The following DHX9 variants were observed in gnomAD, a reference collection of about 807,000 sequenced individuals.
DHX9 encodes the protein DExH-box helicase 9, also known as ATP-dependent RNA helicase A.
A neutral mutation model predicts 148.7 loss-of-function variants in DHX9; 27 were observed. The observed-to-expected ratio is 0.18, with a 90% confidence interval of 0.13 to 0.25. The LOEUF (loss-of-function observed/expected upper bound fraction) is 0.25. DHX9 is among the 10% of genes least tolerant of loss of function. The pLI, the probability that DHX9 is intolerant of heterozygous loss-of-function variation, is 1.00. For missense variants in DHX9, 796 were observed against 1,559.6 expected (o/e 0.51, Z 8.25); for synonymous variants, 529 against 516.6 (o/e 1.02, Z -0.33).
At chr1:182,879,564 T>A (rs1429299938) in intron 21 of DHX9, among the ~76,000 whole-genome samples, 154 bp downstream of exon 21, 2 of 152,128 alleles carry the variant, frequency 1.3e-5, no homozygotes, top group Admixed American at 1.3e-4. Context: ...CCTTAGATAG[T>A]TAGTATAGTC....
rs566509354 is a variant in DHX9, at chr1:182,879,408, G to C, written c.2510G>C (p.Arg837Thr). The C allele has an allele frequency of 5.4e-6, 8 of 1,472,214 alleles. No individual in the cohort carries two copies. Among genetic ancestry groups the C allele is most frequent in the Non-Finnish European group, 7.3e-6 (8 of 1,092,652 alleles). The allele number at this position is 1,472,214 out of a possible 1,614,324, so 91.2% of individuals were successfully genotyped here. ...GTGATTGAAGCAGAACACACTCTTA[G>C]AGGTACTTACAAATACAAACCTACT... ...DAVIEAEHTL[R>T]ELDALDANDE... Residue 837 changes from arginine (R) to threonine (T), a missense_variant and splice_region_variant, in exon 21 of 28, where the codon AGA (arginine) becomes ACA (threonine). Physicochemically the swap from Arg to Thr is moderately conservative, Grantham distance 71 (BLOSUM62 -1). Around this residue, in one of 14 missense-constraint regions of DHX9, gnomAD observed 122 missense variants for 289.3 expected, o/e 0.42. Transcript: ENST00000367549.
intron 27 of DHX9, among the ~76,000 whole-genome samples, chr1:182,885,035 T>C (rs1649261803): frequency 6.6e-6 from 1 of 152,206 alleles, no homozygotes; most frequent in South Asian, 2.1e-4. Flanking sequence ...CATCAGTGCA[T>C]GTTGGTAGTG....
At chr1:182,886,755 T>C (rs1649349391) in intron 27 of DHX9, among the ~76,000 whole-genome samples, 2 of 152,192 alleles carry the variant, frequency 1.3e-5, no homozygotes, top group African/African-American at 2.4e-5. Context: ...CCAAATAGTT[T>C]ATTGGCAGCT....
Position 182,853,432 on chromosome 1 carries a change from C to A in DHX9, c.477+14C>A. The A allele has an allele frequency of 6.4e-7, 1 of 1,574,124 alleles. No homozygotes were observed. The highest frequency in any genetic ancestry group is 8.7e-7 in the Non-Finnish European group (1 of 1,147,960). On this transcript the variant is annotated intron_variant, in intron 5 of 27. Coordinates refer to ENST00000367549, the MANE Select transcript of DHX9 (RefSeq NM_001357.5). ...GAAGTGCAAGCGGTAAGGCCAGCAC[C>A]GTAGGTTACATCTCTGAGAATGTGA...
intron 1 of DHX9, chr1:182,839,862 C>A (rs963988779): frequency 2.0e-5 from 3 of 152,412 alleles, no homozygotes; most frequent in Admixed American, 2.0e-4. Flanking sequence ...CTGGCGCCGT[C>A]GTGCAGGCCT....
chr1:182,884,376 G>C (rs1649226451), intron 26 of DHX9, among the ~76,000 whole-genome samples: 1 of 151,818 alleles, frequency 6.6e-6, no homozygotes, highest in Non-Finnish European at 1.5e-5. Context: ...TAGACTTTTT[G>C]GCTTAAGACT....
intron 16 of DHX9, among the ~76,000 whole-genome samples, chr1:182,875,790 G>C (rs1648736153): frequency 6.6e-6 from 1 of 152,110 alleles, no homozygotes; most frequent in Admixed American, 6.5e-5. Flanking sequence ...GGCTCCATGA[G>C]AGTTTTGAGT....
At chr1:182,878,355 T>C (rs1648917414) in intron 20 of DHX9, among the ~76,000 whole-genome samples, 182 bp downstream of exon 20, 1 of 152,228 alleles carries the variant, frequency 6.6e-6, no homozygotes. Context: ...AAGCCAGATT[T>C]AGAAATATAG....
intron 3 of DHX9, among the ~76,000 whole-genome samples, chr1:182,844,792 C>T (rs1667998121): frequency 6.6e-6 from 1 of 152,200 alleles, no homozygotes; most frequent in Non-Finnish European, 1.5e-5. Flanking sequence ...GCTGGGATTA[C>T]AGGTGGGAGC....
At chr1:182,861,840 T>TA (rs1397119831) in intron 12 of DHX9, among the ~76,000 whole-genome samples, 1 of 152,216 alleles carries the variant, frequency 6.6e-6, no homozygotes, top group Non-Finnish European at 1.5e-5. Context: ...TCATACCTCT[T>TA]ACCTGTAACA....
Position 182,875,109 on chromosome 1 carries a change from G to A in DHX9, c.1815+155G>A, listed in dbSNP as rs140458105. The A allele has an allele frequency of 4.3e-5, 30 of 695,188 alleles. No individual in the cohort carries two copies. In the African/African-American group the frequency reaches 4.6e-4, roughly 11 times the overall value. The allele number at this position is 695,188 out of a possible 1,614,324, so 43.1% of individuals were successfully genotyped here. On this transcript the variant is annotated intron_variant, in intron 16 of 27. Coordinates refer to ENST00000367549, the MANE Select transcript of DHX9 (RefSeq NM_001357.5). ...TTTGGATTAATTGATGTATTTTACT[G>A]CAAAAAAATTCCAGGTTCAGTGACA... is the stretch of plus-strand genomic sequence containing the variant.
intron 7 of DHX9, among the ~76,000 whole-genome samples, chr1:182,857,521 T>G (rs1187725735): frequency 6.6e-6 from 1 of 152,230 alleles, no homozygotes; most frequent in Non-Finnish European, 1.5e-5. Context: ...AGGTCACACA[T>G]TGTTATTCTC....
At position 182,839,412 on chromosome 1, in the gene DHX9, A is replaced by C. The variant is rs1454619588; in HGVS notation, c.-67A>C. ...CTCTGTTGTCTCGGTAGAAGGCCAGAGTCACACACGGTCCTAAGAGCTGGG... is the reference window on the plus strand; with the variant it reads ...CTCTGTTGTCTCGGTAGAAGGCCAGCGTCACACACGGTCCTAAGAGCTGGG... On this transcript the variant is annotated 5_prime_UTR_variant, in exon 1 of 28. Transcript: ENST00000367549. The C allele has an allele frequency of 6.6e-6, 1 of 152,372 alleles. No individual in the cohort carries two copies. The highest frequency in any genetic ancestry group is 1.5e-5 in the Non-Finnish European group (1 of 68,076). 9.4% of individuals were successfully genotyped at this position (152,372 alleles called of 1,614,324 possible).
chr1:182,858,673 T>C, intron 9 of DHX9, 33 bp downstream of exon 9: 1 of 1,609,670 alleles, frequency 6.2e-7, no homozygotes, highest in Admixed American at 1.7e-5. Context: ...CACATTTACG[T>C]AGAACTCTCC....
At position 182,857,546 on chromosome 1, in the gene DHX9, A is replaced by G. The variant is rs549222779; in HGVS notation, c.674-558A>G. On this transcript the variant is annotated intron_variant, in intron 7 of 27. Coordinates refer to ENST00000367549, the MANE Select transcript of DHX9 (RefSeq NM_001357.5). The stretch of plus-strand genomic sequence containing the variant: ...TTGTTATTCTCATTTTATTTTTACA[A>G]CTCTTGAAAAACGTAAAGCCATTCC... Among the ~76,000 whole-genome samples, 15 of 152,170 alleles carry G rather than the reference A, an allele frequency of 9.9e-5. No individual in the cohort carries two copies. The South Asian group carries it at 3.1e-3, about 32-fold the overall frequency.
chr1:182,866,537 G>C lies in DHX9; in HGVS notation c.1426G>C (p.Glu476Gln). The change falls in exon 13 of 28, where the codon GAG becomes CAG. Residue 476 changes from glutamate to glutamine, a missense_variant. Transcript: ENST00000367549. ...GKSCGYSVRF[E>Q]SILPRPHASI... is the part of the protein sequence containing the mutation. ...AAGCTGTGGCTACAGCGTTCGATTT[G>C]AGTCTATACTTCCTCGTCCTCATGC... The C allele has an allele frequency of 6.2e-7, 1 of 1,614,174 alleles. No homozygotes were observed. The highest frequency in any genetic ancestry group is 8.5e-7 in the Non-Finnish European group (1 of 1,180,034).
intron 3 of DHX9, among the ~76,000 whole-genome samples, chr1:182,845,075 C>G (rs1553237781): frequency 3.9e-5 from 6 of 152,206 alleles, no homozygotes; most frequent in Non-Finnish European, 7.3e-5. Context: ...ATTCCTTTGA[C>G]TAAGAACTCG....
At chr1:182,860,343 A>C in intron 12 of DHX9, 159 bp downstream of exon 12, 2 of 592,638 alleles carry the variant, frequency 3.4e-6, no homozygotes, top group Admixed American at 7.4e-5. Context: ...GTCTTTTTCT[A>C]ATCTCTAGTA....
In DHX9 at chr1:182,852,282, C is replaced by T; in HGVS notation, c.302C>T (p.Ala101Val). The T allele has an allele frequency of 6.2e-7, 1 of 1,613,234 alleles. No individual in the cohort carries two copies. The highest frequency in any genetic ancestry group is 1.1e-5 in the South Asian group (1 of 90,964). Residue 101 changes from alanine (A) to valine (V), a missense_variant, in exon 4 of 28, where the codon GCT becomes GTT. Coordinates refer to ENST00000367549, the MANE Select transcript of DHX9 (RefSeq NM_001357.5). ...LTDTPDTTAN[A>V]EGDLPTTMGG... ...GATACTCCTGACACTACAGCAAATG[C>T]TGAAGGAGATTTACCAACAACCATG...
Sources: allele counts gnomAD v4.1 joint callset (sites outside exome capture counted in the v4.1 genomes callset), GRCh38; gene constraint gnomAD v4.1.1; regional missense constraint gnomAD v4.1.1; transcripts MANE v1.5; gene names NCBI Gene and HGNC (gene_info 2026-07-23, HGNC 2026-07-21).